STK32B: variants seen among roughly 807,000 people sequenced by gnomAD.
STK32B encodes serine/threonine-protein kinase 32B.
A neutral mutation model predicts 52.6 loss-of-function variants in STK32B; 43 were observed. The ratio of observed to expected loss-of-function variants is 0.82; its 90% CI spans 0.64 to 1.05. The LOEUF (loss-of-function observed/expected upper bound fraction) is 1.05. Ranked by LOEUF, STK32B falls within the 50% of genes least tolerant of loss-of-function variation. STK32B has a pLI of 0.00. For missense variants in STK32B, 621 were observed against 534.6 expected (o/e 1.16, Z -1.59); for synonymous variants, 238 against 204.3 (o/e 1.17, Z -1.41).
chr4:5,020,073 G>C, the STK32B span, among the ~76,000 whole-genome samples: 4 of 152,192 alleles, frequency 2.6e-5, no homozygotes, highest in African/African-American at 9.6e-5. Context: ...TGGGCTCACT[G>C]AGCGGCCGTA....
chr4:5,180,801 C>A (rs896984777), intron 3 of STK32B, among the ~76,000 whole-genome samples: 6 of 152,122 alleles, frequency 3.9e-5, no homozygotes, highest in Non-Finnish European at 8.8e-5. Context: ...GAGGCAAAGG[C>A]CTGCATTGAT....
intron 3 of STK32B, among the ~76,000 whole-genome samples, chr4:5,265,142 G>A (rs1726978522): frequency 6.6e-6 from 1 of 152,184 alleles, no homozygotes. Context: ...TAGATAATCA[G>A]TTGTTCCAGT....
chr4:5,459,986 T>C, intron 8 of STK32B, 117 bp from the exon 9 acceptor site: 2 of 1,466,364 alleles, frequency 1.4e-6, no homozygotes, highest in Non-Finnish European at 1.9e-6. Flanking sequence ...GGGCACAACA[T>C]CAATAGAGCG....
rs114770570 is a variant in STK32B at position 5,408,140 on chromosome 4, A to G, written c.473-8705A>G. On this transcript the variant is annotated intron_variant, in intron 5 of 11. Coordinates refer to ENST00000282908, the MANE Select transcript of STK32B (RefSeq NM_018401.3). ...TATGACATTCTGTTACAGCAGCCCA[A>G]ACGGACTGAGATGGGGAGTGAAGGG... Among the ~76,000 whole-genome samples the G allele has an allele frequency of 4.0e-3, 607 of 152,218 alleles. 8 individuals are homozygous for G. Among genetic ancestry groups the G allele is most frequent in the African/African-American group, 0.014 (588 of 41,488 alleles).
At chr4:5,077,031 G>A (rs549738235) in intron 1 of STK32B, among the ~76,000 whole-genome samples, 15 of 152,220 alleles carry the variant, frequency 9.9e-5, no homozygotes, top group African/African-American at 3.4e-4. Context: ...CTGGACAGAC[G>A]ATGCTTTTAT....
intron 3 of STK32B, among the ~76,000 whole-genome samples, chr4:5,301,165 C>T (rs1729526703): frequency 6.6e-6 from 1 of 151,982 alleles, no homozygotes; most frequent in Admixed American, 6.6e-5. Context: ...GTATATGTTG[C>T]TGGATTCTGT....
chr4:5,424,691 G>T (rs186230330), intron 6 of STK32B, among the ~76,000 whole-genome samples: 1 of 152,234 alleles, frequency 6.6e-6, no homozygotes, highest in Non-Finnish European at 1.5e-5. Flanking sequence ...TTACCCTCCA[G>T]TTGTCCATGT....
chr4:5,267,398 T>C (rs946693130), intron 3 of STK32B, among the ~76,000 whole-genome samples: 6 of 152,176 alleles, frequency 3.9e-5, no homozygotes, highest in African/African-American at 1.4e-4. Flanking sequence ...GTTTCTCAGC[T>C]CAGTGCCTAA....
rs150563053 is a variant in STK32B at position 5,410,096 on chromosome 4, G to A, written c.473-6749G>A. Among the ~76,000 whole-genome samples, 311 of 152,260 alleles carry A rather than the reference G, an allele frequency of 2.0e-3. 1 individual carries two copies. Among genetic ancestry groups the A allele is most frequent in the African/African-American group, 7.2e-3 (297 of 41,512 alleles). ...AATAGTTCTGTGTGGTGCCCAGAGT[G>A]TTTGATCCTGTGTTGAACAGTGGCA... On this transcript the variant is annotated intron_variant, in intron 5 of 11. Coordinates refer to ENST00000282908, the MANE Select transcript of STK32B (RefSeq NM_018401.3).
intron 5 of STK32B, among the ~76,000 whole-genome samples, chr4:5,405,659 C>T (rs923355187): frequency 3.3e-5 from 5 of 152,260 alleles, no homozygotes; most frequent in East Asian, 3.9e-4. Context: ...GAAGCAAGCA[C>T]GTCTTCACAT....
chr4:5,262,938 C>A (rs73084013), intron 3 of STK32B, among the ~76,000 whole-genome samples: 17,018 of 151,944 alleles, frequency 0.11, 2,608 homozygotes, highest in African/African-American at 0.35. Flanking sequence ...TTGGGTAACA[C>A]CCACATGGAA....
intron 3 of STK32B, among the ~76,000 whole-genome samples, chr4:5,202,763 G>A (rs763230422): frequency 1.3e-5 from 2 of 152,230 alleles, no homozygotes; most frequent in Non-Finnish European, 2.9e-5. Flanking sequence ...AGCCCCAGGT[G>A]TCATTGGTTC....
intron 3 of STK32B, among the ~76,000 whole-genome samples, chr4:5,311,852 G>A (rs913753045): frequency 2.1e-4 from 32 of 151,690 alleles, no homozygotes; most frequent in African/African-American, 7.0e-4. Flanking sequence ...GGAAGAATTA[G>A]CACCAGTTTT....
chr4:5,161,373 C>T (rs1231757231), intron 2 of STK32B, among the ~76,000 whole-genome samples: 1 of 152,144 alleles, frequency 6.6e-6, no homozygotes, highest in Admixed American at 6.5e-5. Flanking sequence ...ATTTTTCTCA[C>T]ATAACAAGAA....
At chr4:5,328,516 C>G (rs1156963995) in intron 3 of STK32B, among the ~76,000 whole-genome samples, 1 of 152,184 alleles carries the variant, frequency 6.6e-6, no homozygotes, top group Non-Finnish European at 1.5e-5. Flanking sequence ...AGATGGGAAA[C>G]TACTGGTCAG....
chr4:5,291,463 C>G (rs1001506366), intron 3 of STK32B, among the ~76,000 whole-genome samples: 15 of 151,954 alleles, frequency 9.9e-5, no homozygotes, highest in African/African-American at 3.1e-4. Flanking sequence ...ATTATTCATT[C>G]CTAGTGTGTA....
At chr4:5,320,801 T>C (rs762294500) in intron 3 of STK32B, among the ~76,000 whole-genome samples, 5 of 152,212 alleles carry the variant, frequency 3.3e-5, no homozygotes, top group Non-Finnish European at 7.3e-5. Context: ...CTATCTATTT[T>C]GTTGTGTTTA....
At chr4:5,455,702 C>G (rs766301976) in intron 7 of STK32B, among the ~76,000 whole-genome samples, 6 of 152,126 alleles carry the variant, frequency 3.9e-5, no homozygotes, top group East Asian at 1.9e-4. Flanking sequence ...GGGACTGAGA[C>G]GTTCACTGTC....
intron 3 of STK32B, among the ~76,000 whole-genome samples, chr4:5,308,952 G>T (rs1730110708): frequency 6.6e-6 from 1 of 152,016 alleles, no homozygotes; most frequent in Admixed American, 6.6e-5. Flanking sequence ...AAAGGAAGAA[G>T]TCAAATTGTC....
Sources: allele counts gnomAD v4.1 joint callset (sites outside exome capture counted in the v4.1 genomes callset), GRCh38; gene constraint gnomAD v4.1.1; transcripts MANE v1.5; gene names NCBI Gene and HGNC (gene_info 2026-07-23, HGNC 2026-07-21).